PLPP1: variants seen among roughly 807,000 people sequenced by gnomAD.
The protein encoded by PLPP1 is lipid phosphate phosphohydrolase 1a.
PLPP1 carries 24 observed loss-of-function variants against 31.2 expected under a neutral mutation model. That is an observed-to-expected ratio of 0.77 (90% CI 0.56 to 1.08). PLPP1 has a LOEUF of 1.08. PLPP1 is among the 50% of genes least tolerant of loss of function. PLPP1 has a pLI of 0.00. For synonymous variants in PLPP1, 146 were observed against 126.3 expected (o/e 1.16, Z -1.05); for missense variants, 319 against 342.7 (o/e 0.93, Z 0.55).
At chr5:55,475,212 G>T in intron 2 of PLPP1, 87 bp downstream of exon 2, 1 of 1,160,986 alleles carries the variant, frequency 8.6e-7, no homozygotes, top group Non-Finnish European at 1.2e-6. Flanking sequence ...GTTTTTGGAG[G>T]ATTACACATT....
intron 3 of PLPP1, among the ~76,000 whole-genome samples, chr5:55,449,650 A>G (rs904276883): frequency 1.3e-5 from 2 of 152,190 alleles, no homozygotes; most frequent in Non-Finnish European, 2.9e-5. Context: ...TTTGTTTCCA[A>G]TAAAAATATA....
chr5:55,529,842 T>G (rs1237046345), intron 1 of PLPP1, among the ~76,000 whole-genome samples: 1 of 152,158 alleles, frequency 6.6e-6, no homozygotes, highest in Non-Finnish European at 1.5e-5. Context: ...TGTACCAAAT[T>G]TCAAAAGCAA....
chr5:55,525,130 A>C (rs887342165), intron 1 of PLPP1, among the ~76,000 whole-genome samples: 1 of 152,252 alleles, frequency 6.6e-6, no homozygotes, highest in African/African-American at 2.4e-5. Context: ...GAAACATTTT[A>C]AAGTTTGTGT....
chr5:55,501,318 A>C (rs1037289133), intron 1 of PLPP1, among the ~76,000 whole-genome samples: 9 of 152,264 alleles, frequency 5.9e-5, no homozygotes, highest in South Asian at 2.1e-4. Flanking sequence ...CGTCTCAAAA[A>C]AAACAAACAA....
chr5:55,455,500 T>C (rs1354536652), intron 3 of PLPP1, among the ~76,000 whole-genome samples: 9 of 152,142 alleles, frequency 5.9e-5, no homozygotes, highest in African/African-American at 7.2e-5. Context: ...CAAGCACCTA[T>C]AGTCCCAGCT....
chr5:55,490,619 G>A (rs866789182), intron 1 of PLPP1, among the ~76,000 whole-genome samples: 1 of 151,966 alleles, frequency 6.6e-6, no homozygotes, highest in Non-Finnish European at 1.5e-5. Context: ...TTTCAGCTCT[G>A]CCGTACGATA....
At chr5:55,533,194 G>A (rs559256188) in intron 1 of PLPP1, among the ~76,000 whole-genome samples, 1 of 151,964 alleles carries the variant, frequency 6.6e-6, no homozygotes, top group Non-Finnish European at 1.5e-5. Context: ...GACCAGCCTG[G>A]CCAACATGGA....
intron 1 of PLPP1, among the ~76,000 whole-genome samples, chr5:55,486,614 T>C (rs942644489): frequency 3.3e-5 from 5 of 151,388 alleles, no homozygotes; most frequent in African/African-American, 1.2e-4. Context: ...ACATAAAATA[T>C]ATAAAGTGAT....
At chr5:55,468,803 CAATA>C (rs775814209) in intron 2 of PLPP1, among the ~76,000 whole-genome samples, 6 of 152,052 alleles carry the variant, frequency 3.9e-5, no homozygotes, top group Admixed American at 2.6e-4. Context: ...GACTCCGTCT[CAATA>C]AATAAATAAA....
At chr5:55,494,544 A>G (rs1752964902) in intron 1 of PLPP1, among the ~76,000 whole-genome samples, 1 of 152,150 alleles carries the variant, frequency 6.6e-6, no homozygotes, top group African/African-American at 2.4e-5. Flanking sequence ...TGTCCCCTTA[A>G]GGCTCCAATC....
intron 4 of PLPP1, among the ~76,000 whole-genome samples, chr5:55,433,391 C>T (rs1404092543): frequency 2.1e-5 from 3 of 144,294 alleles, no homozygotes; most frequent in Admixed American, 1.4e-4. Context: ...TGTCCGTCTT[C>T]GCAGACAATA....
chr5:55,520,832 T>C (rs1579983209), intron 1 of PLPP1, among the ~76,000 whole-genome samples: 1 of 152,254 alleles, frequency 6.6e-6, no homozygotes, highest in African/African-American at 2.4e-5. Context: ...AATTCAGCAG[T>C]AGCCAAAAGT....
intron 1 of PLPP1, chr5:55,484,602 G>T (rs1231088804): frequency 6.6e-6 from 1 of 152,140 alleles, no homozygotes; most frequent in East Asian, 1.9e-4. Context: ...AGAGACTGGG[G>T]TCTATAACAA....
chr5:55,427,429 G>A (rs1751232082), intron 4 of PLPP1, among the ~76,000 whole-genome samples: 1 of 152,186 alleles, frequency 6.6e-6, no homozygotes, highest in Non-Finnish European at 1.5e-5. Flanking sequence ...GCAAGTTTAA[G>A]AACCACTGGC....
intron 1 of PLPP1, among the ~76,000 whole-genome samples, chr5:55,476,704 C>T (rs1752557694): frequency 6.6e-6 from 1 of 152,168 alleles, no homozygotes; most frequent in African/African-American, 2.4e-5. Context: ...CCATGAAGCA[C>T]CAAGACTTGA....
chr5:55,511,840 T>A (rs1002114453), intron 1 of PLPP1, among the ~76,000 whole-genome samples: 10 of 151,358 alleles, frequency 6.6e-5, no homozygotes, highest in East Asian at 2.0e-4. Context: ...ATTTTTTTTT[T>A]TTTTATTTTT....
intron 3 of PLPP1, among the ~76,000 whole-genome samples, chr5:55,465,852 C>A (rs562244256): frequency 2.0e-5 from 3 of 152,248 alleles, no homozygotes; most frequent in African/African-American, 7.2e-5. Flanking sequence ...CTATCTTTCC[C>A]TGTGTCTCCA....
chr5:55,456,597 GCTTT>G (rs1220968859), intron 3 of PLPP1, among the ~76,000 whole-genome samples: 4 of 152,048 alleles, frequency 2.6e-5, no homozygotes, highest in African/African-American at 9.7e-5. Context: ...TGCATTTTTA[GCTTT>G]CTGACTTTCA....
At chr5:55,429,961 C>T (rs779163592) in intron 4 of PLPP1, among the ~76,000 whole-genome samples, 8 of 152,230 alleles carry the variant, frequency 5.3e-5, no homozygotes, top group Admixed American at 3.3e-4. Context: ...CTATCCAGCC[C>T]GGCTCCACCT....
Sources: gnomAD v4.1 joint callset for allele counts (sites outside exome capture counted in the v4.1 genomes callset) on GRCh38, gnomAD v4.1.1 for gene constraint, MANE v1.5 for transcripts, NCBI Gene and HGNC (gene_info 2026-07-23, HGNC 2026-07-21) for gene names.